IGF2BP3: variants seen among roughly 807,000 people sequenced by gnomAD.
IGF2BP3 encodes the protein insulin-like growth factor 2 mRNA-binding protein 3.
A neutral mutation model predicts 73.8 loss-of-function variants in IGF2BP3; 9 were observed. That is an observed-to-expected ratio of 0.12 (90% CI 0.07 to 0.21). The LOEUF is 0.21. Ranked by LOEUF, IGF2BP3 falls within the 10% of genes least tolerant of loss-of-function variation. The probability of loss-of-function intolerance (pLI) is 1.00; values close to 1 mark genes in which losing one functional copy is unlikely to be tolerated. For synonymous variants in IGF2BP3, 258 were observed against 256.7 expected, an observed-to-expected ratio of 1.01 and a Z score of -0.05; for missense variants, 542 against 714.0, an observed-to-expected ratio of 0.76 and a Z score of 2.75.
At chr7:23,448,075 T>C (rs938166335) in intron 2 of IGF2BP3, among the ~76,000 whole-genome samples, 1 of 152,208 alleles carries the variant, frequency 6.6e-6, no homozygotes, top group Admixed American at 6.5e-5. Context: ...CAAGGAAAGC[T>C]GTCTGAAACA....
At chr7:23,365,596 T>C (rs759546685) in intron 3 of IGF2BP3, 1 of 152,226 alleles carries the variant, frequency 6.6e-6, no homozygotes, top group Non-Finnish European at 1.5e-5. Flanking sequence ...ATGCTCTTCC[T>C]TTCCAAGTTA....
chr7:23,322,662 A>G (rs1183217695), intron 10 of IGF2BP3, among the ~76,000 whole-genome samples: 3 of 152,196 alleles, frequency 2.0e-5, no homozygotes, highest in African/African-American at 7.2e-5. Flanking sequence ...TGTTAAGGGC[A>G]GCCAGAGAGA....
chr7:23,357,401 A>C (rs1222345512), intron 5 of IGF2BP3, among the ~76,000 whole-genome samples: 1 of 152,056 alleles, frequency 6.6e-6, no homozygotes, highest in Non-Finnish European at 1.5e-5. Flanking sequence ...AGAATGATTG[A>C]AGTTTCAAAG....
chr7:23,338,192 G>GT (rs1377990290), intron 10 of IGF2BP3, among the ~76,000 whole-genome samples: 2 of 151,758 alleles, frequency 1.3e-5, no homozygotes, highest in Admixed American at 6.6e-5. Flanking sequence ...AAAGAGGTGA[G>GT]TTTTTTTTCA....
intron 10 of IGF2BP3, among the ~76,000 whole-genome samples, chr7:23,339,773 G>A (rs995438036): frequency 8.5e-5 from 13 of 152,152 alleles, no homozygotes; most frequent in Admixed American, 1.3e-4. Flanking sequence ...ACAGAGTTAC[G>A]TCACATGATC....
At position 23,331,621 on chromosome 7, in the gene IGF2BP3, AGGCCAAGG is replaced by A. The variant is rs563686582; in HGVS notation, c.1203+10435_1203+10442del. On this transcript the variant is annotated intron_variant, in intron 10 of 14. Transcript: ENST00000258729. Reference sequence around the variant, plus strand: ...ACCCCTGTAATCCTAACACTTTGGAAGGCCAAGGTGGGTGGATCACCTGAGGTCAGGAG... The same window carrying A: ...ACCCCTGTAATCCTAACACTTTGGAATGGGTGGATCACCTGAGGTCAGGAG... Among the ~76,000 whole-genome samples the A allele has an allele frequency of 1.6e-3, 245 of 152,310 alleles. 2 individuals are homozygous for A. Among genetic ancestry groups the A allele is most frequent in the African/African-American group, 5.4e-3 (224 of 41,578 alleles).
intron 3 of IGF2BP3, among the ~76,000 whole-genome samples, chr7:23,387,449 T>C (rs1288046590): frequency 6.6e-6 from 1 of 152,150 alleles, no homozygotes; most frequent in African/African-American, 2.4e-5. Context: ...ACTAAGGAAA[T>C]CTGAGTAACA....
At chr7:23,363,686 A>G (rs1785290724) in intron 3 of IGF2BP3, among the ~76,000 whole-genome samples, 2 of 152,256 alleles carry the variant, frequency 1.3e-5, no homozygotes, top group African/African-American at 4.8e-5. Context: ...ACAGAAGCAC[A>G]TTAATCTTTG....
intron 3 of IGF2BP3, among the ~76,000 whole-genome samples, chr7:23,387,922 G>A (rs991340521): frequency 1.3e-5 from 2 of 152,024 alleles, no homozygotes; most frequent in Admixed American, 6.6e-5. Context: ...CAACTACTAT[G>A]GAAAAGTTTA....
intron 10 of IGF2BP3, among the ~76,000 whole-genome samples, chr7:23,334,697 C>T (rs1475752722): frequency 1.3e-5 from 2 of 152,242 alleles, no homozygotes; most frequent in African/African-American, 4.8e-5. Context: ...GACTTCTTGG[C>T]AGACTCTCAA....
chr7:23,449,867 C>G (rs536417697), intron 2 of IGF2BP3, among the ~76,000 whole-genome samples: 4 of 152,250 alleles, frequency 2.6e-5, no homozygotes, highest in East Asian at 1.9e-4. Flanking sequence ...ACCCAGCCAC[C>G]TGATCTAATT....
intron 3 of IGF2BP3, among the ~76,000 whole-genome samples, chr7:23,392,588 A>G (rs1786320055): frequency 6.6e-6 from 1 of 151,960 alleles, no homozygotes. Context: ...GTAGGATTTT[A>G]AGCCCTTTTT....
intron 2 of IGF2BP3, among the ~76,000 whole-genome samples, chr7:23,434,091 TA>T (rs11362019): frequency 0.15 from 19,121 of 129,432 alleles, 1,224 homozygotes; most frequent in South Asian, 0.21. Context: ...AAATTAAAAT[TA>T]AAAAAAAAAA....
At chr7:23,334,527 T>C (rs1784523122) in intron 10 of IGF2BP3, among the ~76,000 whole-genome samples, 1 of 152,222 alleles carries the variant, frequency 6.6e-6, no homozygotes. Context: ...CCATTAGCGT[T>C]ACCCAGTCTT....
intron 2 of IGF2BP3, among the ~76,000 whole-genome samples, chr7:23,448,404 T>G (rs1584055810): frequency 6.6e-6 from 1 of 152,280 alleles, no homozygotes; most frequent in East Asian, 1.9e-4. Context: ...TTCTAAACAC[T>G]TATCTTTTCA....
intron 3 of IGF2BP3, among the ~76,000 whole-genome samples, chr7:23,375,901 T>C (rs1036925103): frequency 9.9e-5 from 15 of 152,174 alleles, no homozygotes; most frequent in African/African-American, 3.6e-4. Context: ...TCTGGCTCTA[T>C]GGGGCCTTAT....
intron 2 of IGF2BP3, among the ~76,000 whole-genome samples, chr7:23,422,703 G>T (rs1787385486): frequency 6.6e-6 from 1 of 152,182 alleles, no homozygotes; most frequent in African/African-American, 2.4e-5. Context: ...TGTTACTCCA[G>T]AATAATTATT....
At chr7:23,427,702 T>A (rs1787551918) in intron 2 of IGF2BP3, among the ~76,000 whole-genome samples, 1 of 151,106 alleles carries the variant, frequency 6.6e-6, no homozygotes, top group African/African-American at 2.4e-5. Flanking sequence ...TGAAACCCCA[T>A]CTCTACTAAA....
intron 3 of IGF2BP3, among the ~76,000 whole-genome samples, chr7:23,408,462 A>G (rs1438652879): frequency 1.3e-5 from 2 of 152,210 alleles, no homozygotes; most frequent in Non-Finnish European, 2.9e-5. Context: ...AAAAAATAAT[A>G]TTCACCTACT....
Sources: gnomAD v4.1 joint callset for allele counts (sites outside exome capture counted in the v4.1 genomes callset) on GRCh38, gnomAD v4.1.1 for gene constraint, MANE v1.5 for transcripts, NCBI Gene and HGNC (gene_info 2026-07-23, HGNC 2026-07-21) for gene names.